TCAIM: variants seen among roughly 807,000 people sequenced by gnomAD.
TCAIM encodes T cell activation inhibitor, mitochondrial, also known as T-cell activation inhibitor, mitochondrial.
TCAIM carries 36 observed loss-of-function variants against 58.6 expected under a neutral mutation model. The ratio of observed to expected loss-of-function variants is 0.61; its 90% CI spans 0.47 to 0.81. TCAIM has a LOEUF of 0.81. TCAIM is among the 30% of genes least tolerant of loss of function. The pLI is 0.00. For missense variants in TCAIM, 466 were observed against 579.6 expected (o/e 0.80, Z 2.01); for synonymous variants, 172 against 193.6 (o/e 0.89, Z 0.93).
At chr3:44,380,026 C>T (rs564456520) in intron 5 of TCAIM, among the ~76,000 whole-genome samples, 17 of 151,618 alleles carry the variant, frequency 1.1e-4, no homozygotes, top group Admixed American at 1.1e-3. Flanking sequence ...GCACATGAGC[C>T]CCAGACCTAA....
In TCAIM at chr3:44,409,222, CTG is replaced by C. The variant is rs1376974644; in HGVS notation, c.*1542_*1543del. 6.6e-6 allele frequency: 1 copy of C among 152,164 alleles called. No homozygotes were observed. Among genetic ancestry groups the C allele is most frequent in the Non-Finnish European group, 1.5e-5 (1 of 68,030 alleles). 9.4% of individuals were successfully genotyped at this position (152,164 alleles called of 1,614,324 possible). ...CATCCCTTTTAACCGTGCCTAACAA[CTG>C]TACTTAAATTTTGTTTTCTAGTGTA... On this transcript the variant is annotated 3_prime_UTR_variant, in exon 11 of 11. Transcript: ENST00000342649.
intron 5 of TCAIM, among the ~76,000 whole-genome samples, chr3:44,368,375 A>AT (rs770933501): frequency 2.0e-5 from 3 of 152,212 alleles, no homozygotes; most frequent in Admixed American, 6.5e-5. Flanking sequence ...GGATTCTCTC[A>AT]TTATGGCATA....
intron 5 of TCAIM, among the ~76,000 whole-genome samples, chr3:44,389,770 T>G (rs1399807957): frequency 6.6e-6 from 1 of 152,014 alleles, no homozygotes; most frequent in Non-Finnish European, 1.5e-5. Context: ...ATCGAACACT[T>G]TCACCTAGAG....
chr3:44,363,925 T>A (rs1701329843), intron 4 of TCAIM, among the ~76,000 whole-genome samples: 1 of 132,638 alleles, frequency 7.5e-6, no homozygotes, highest in Non-Finnish European at 1.6e-5. Context: ...TCTGTCTTTT[T>A]TTTTTTTTTT....
intron 5 of TCAIM, among the ~76,000 whole-genome samples, chr3:44,372,046 GA>G (rs1211781132): frequency 6.7e-6 from 1 of 148,860 alleles, no homozygotes; most frequent in African/African-American, 2.5e-5. Flanking sequence ...AGGAAGGAAG[GA>G]AGGAAGGAAG....
At chr3:44,366,486 GAC>G (rs1287615767) in intron 4 of TCAIM, among the ~76,000 whole-genome samples, 1 of 116,144 alleles carries the variant, frequency 8.6e-6, no homozygotes, top group South Asian at 2.9e-4. Context: ...TTTTTTTTGA[GAC>G]AGAGTCTCGC....
chr3:44,351,786 C>G (rs191022876), intron 1 of TCAIM, among the ~76,000 whole-genome samples: 1 of 152,106 alleles, frequency 6.6e-6, no homozygotes, highest in South Asian at 2.1e-4. Context: ...TGAGCCACCG[C>G]GCCCAACCCA....
Position 44,351,433 on chromosome 3 carries a change from C to T in TCAIM, c.-44-3306C>T, listed in dbSNP as rs778815699. Reference sequence around the variant, plus strand: ...ATTTTCTGTATCTTTGTATTTGTCTCAAAATATCAATGTGCATGGTTTAAA... The same window carrying T: ...ATTTTCTGTATCTTTGTATTTGTCTTAAAATATCAATGTGCATGGTTTAAA... On this transcript the variant is annotated intron_variant, in intron 1 of 10. Transcript: ENST00000342649. Among the ~76,000 whole-genome samples the T allele has an allele frequency of 1.2e-3, 184 of 151,924 alleles. 1 individual carries two copies. Among genetic ancestry groups the T allele is most frequent in the Admixed American group, 4.4e-3 (67 of 15,268 alleles).
chr3:44,338,989 C>T (rs774257863), intron 1 of TCAIM, among the ~76,000 whole-genome samples, 155 bp downstream of exon 1: 1 of 152,200 alleles, frequency 6.6e-6, no homozygotes, highest in Non-Finnish European at 1.5e-5. Flanking sequence ...ATCGCATCTA[C>T]ATTTTAACTC....
intron 5 of TCAIM, among the ~76,000 whole-genome samples, chr3:44,388,615 A>C (rs1701782140): frequency 6.6e-6 from 1 of 152,180 alleles, no homozygotes; most frequent in South Asian, 2.1e-4. Flanking sequence ...ATTTAGGGCT[A>C]TATAAATATC....
At chr3:44,396,285 G>T (rs1169374375) in intron 6 of TCAIM, 115 bp from the exon 7 acceptor site, 1 of 749,950 alleles carries the variant, frequency 1.3e-6, no homozygotes, top group Non-Finnish European at 2.1e-6. Flanking sequence ...CATGTTATGT[G>T]TGTGCTTCAA....
At chr3:44,351,871 G>A (rs995422699) in intron 1 of TCAIM, among the ~76,000 whole-genome samples, 1 of 151,990 alleles carries the variant, frequency 6.6e-6, no homozygotes, top group African/African-American at 2.4e-5. Flanking sequence ...AGTCAACCTG[G>A]AAATAAATTG....
intron 8 of TCAIM, among the ~76,000 whole-genome samples, chr3:44,399,046 C>T (rs1313156638): frequency 2.6e-5 from 4 of 152,202 alleles, no homozygotes; most frequent in African/African-American, 4.8e-5. Context: ...GTGCTATAAA[C>T]GGGATCCCTG....
chr3:44,358,309 CT>C (rs765048722), intron 3 of TCAIM: 1 of 868,820 alleles, frequency 1.2e-6, no homozygotes, highest in Non-Finnish European at 1.9e-6. Flanking sequence ...TTAATGTGTG[CT>C]CCAGGAATAC....
At chr3:44,391,784 A>G (rs914287974) in intron 5 of TCAIM, among the ~76,000 whole-genome samples, 1 of 152,148 alleles carries the variant, frequency 6.6e-6, no homozygotes, top group African/African-American at 2.4e-5. Flanking sequence ...AGCTCAGGGT[A>G]GTAATATCCA....
At chr3:44,373,661 GAGAAA>G (rs1011960738) in intron 5 of TCAIM, among the ~76,000 whole-genome samples, 3 of 151,878 alleles carry the variant, frequency 2.0e-5, no homozygotes, top group Admixed American at 1.3e-4. Flanking sequence ...CTGAAAAAAA[GAGAAA>G]AGAAAAGAAA....
Position 44,366,116 on chromosome 3 carries a change from A to G in TCAIM, c.320-1340A>G, listed in dbSNP as rs994558866. On this transcript the variant is annotated intron_variant, in intron 4 of 10. Coordinates refer to ENST00000342649, the MANE Select transcript of TCAIM (RefSeq NM_173826.4). Reference sequence around the variant, plus strand: ...TATGTTCCTTCACATTTGACAAGAGAAATGATAATGGCATAGTTGGTGGTA... The same window carrying G: ...TATGTTCCTTCACATTTGACAAGAGGAATGATAATGGCATAGTTGGTGGTA... 2.0e-5 allele frequency among the ~76,000 whole-genome samples: 3 copies of G among 152,206 alleles called. No individual in the cohort carries two copies. In the South Asian group the frequency reaches 6.2e-4, roughly 31 times the overall value.
chr3:44,370,833 C>T (rs1448333777), intron 5 of TCAIM, among the ~76,000 whole-genome samples: 1 of 150,506 alleles, frequency 6.6e-6, no homozygotes. Context: ...CCTCAAACTC[C>T]TGGGCTCAAG....
chr3:44,367,340 C>T, intron 4 of TCAIM, 116 bp from the exon 5 acceptor site: 1 of 1,238,190 alleles, frequency 8.1e-7, no homozygotes, highest in Non-Finnish European at 1.1e-6. Flanking sequence ...AGGTGATTTG[C>T]TAATAGGACG....
Sources: gnomAD v4.1 joint callset for allele counts (sites outside exome capture counted in the v4.1 genomes callset) on GRCh38, gnomAD v4.1.1 for gene constraint, MANE v1.5 for transcripts, NCBI Gene and HGNC (gene_info 2026-07-23, HGNC 2026-07-21) for gene names.